Variants in SCOC observed in about 807,000 individuals in gnomAD.
SCOC encodes the protein short coiled-coil protein.
In SCOC, 7 loss-of-function variants were observed where a neutral mutation model predicts 9.9. The ratio of observed to expected loss-of-function variants is 0.71; its 90% confidence interval spans 0.40 to 1.33. SCOC has a LOEUF of 1.33. Ranked by LOEUF, SCOC falls within the 40% of genes most tolerant of loss-of-function variation. The pLI, the probability that SCOC is intolerant of heterozygous loss-of-function variation, is 0.01. For missense variants in SCOC, 66 were observed against 89.7 expected (o/e 0.74, Z 1.07); for synonymous variants, 19 against 28.2 (o/e 0.67, Z 1.03).
At chr4:140,263,366 G>C (rs1730671167) in intron 1 of SCOC, among the ~76,000 whole-genome samples, 1 of 152,194 alleles carries the variant, frequency 6.6e-6, no homozygotes, top group Non-Finnish European at 1.5e-5. Context: ...AGAATTTGCT[G>C]ATGTACAGCT....
upstream of SCOC, among the ~76,000 whole-genome samples, chr4:140,372,780 G>A (rs1036183742): frequency 2.6e-5 from 4 of 152,188 alleles, no homozygotes; most frequent in African/African-American, 9.7e-5. Flanking sequence ...AAATAATAAT[G>A]TATTGCTGTG....
intron 1 of SCOC, among the ~76,000 whole-genome samples, chr4:140,303,040 G>A (rs932859020): frequency 6.6e-6 from 1 of 152,178 alleles, no homozygotes; most frequent in African/African-American, 2.4e-5. Flanking sequence ...CTAACAAGGA[G>A]AGGCTGTGCC....
chr4:140,274,932 A>G (rs1399716147), intron 1 of SCOC, among the ~76,000 whole-genome samples: 1 of 152,154 alleles, frequency 6.6e-6, no homozygotes, highest in Non-Finnish European at 1.5e-5. Flanking sequence ...AAGGGTGTTA[A>G]TCTTTCTTGC....
intron 2 of SCOC, among the ~76,000 whole-genome samples, chr4:140,358,289 A>G (rs1727319628): frequency 6.6e-6 from 1 of 152,236 alleles, no homozygotes; most frequent in Non-Finnish European, 1.5e-5. Context: ...AGTTACGATC[A>G]TTGCTGCTAA....
intron 1 of SCOC, 98 bp downstream of exon 1, chr4:140,373,815 C>T: frequency 7.7e-7 from 1 of 1,306,470 alleles, no homozygotes; most frequent in Non-Finnish European, 1.1e-6. Context: ...GGGCTGGACG[C>T]GGCCCTGCGC....
chr4:140,296,451 C>T (rs1731639252), intron 1 of SCOC, among the ~76,000 whole-genome samples: 1 of 152,116 alleles, frequency 6.6e-6, no homozygotes, highest in African/African-American at 2.4e-5. Context: ...CCAGGGGCGC[C>T]GTGCATGATT....
chr4:140,327,382 A>T (rs910007951), intron 1 of SCOC, among the ~76,000 whole-genome samples: 6 of 152,144 alleles, frequency 3.9e-5, no homozygotes, highest in Non-Finnish European at 8.8e-5. Flanking sequence ...ATCTGTTTTG[A>T]ACTATATGGA....
intron 2 of SCOC, chr4:140,366,784 G>A (rs759224734): frequency 9.6e-6 from 13 of 1,351,960 alleles, no homozygotes; most frequent in Non-Finnish European, 1.4e-5. Flanking sequence ...ATCTACAGTT[G>A]CAACCAATTT....
At chr4:140,362,276 TAC>T (rs1491403919) in intron 2 of SCOC, among the ~76,000 whole-genome samples, 2 of 38,732 alleles carry the variant, frequency 5.2e-5, no homozygotes, top group African/African-American at 9.6e-5. Flanking sequence ...GGTGTGTCCT[TAC>T]TTCTTCTTCT....
At chr4:140,370,278 G>A (rs115886004), upstream of SCOC, among the ~76,000 whole-genome samples, 1 of 152,096 alleles carries the variant, frequency 6.6e-6, no homozygotes, top group Non-Finnish European at 1.5e-5. Flanking sequence ...ATGATACACA[G>A]TGGAGTCTAT....
upstream of SCOC, among the ~76,000 whole-genome samples, chr4:140,370,001 C>A (rs1027674274): frequency 1.3e-5 from 2 of 151,038 alleles, no homozygotes; most frequent in South Asian, 2.1e-4. Context: ...GCTTCAGCCT[C>A]CCAAGTCTGA....
intron 1 of SCOC, among the ~76,000 whole-genome samples, chr4:140,272,908 T>C (rs1436032375): frequency 2.0e-5 from 3 of 152,252 alleles, no homozygotes; most frequent in African/African-American, 4.8e-5. Flanking sequence ...CTAAGAAATG[T>C]TCTGATTATG....
chr4:140,332,837 A>C (rs1322103765), intron 1 of SCOC, among the ~76,000 whole-genome samples: 1 of 152,108 alleles, frequency 6.6e-6, no homozygotes, highest in East Asian at 1.9e-4. Context: ...TTACTGCAAT[A>C]GTCTTCTAAA....
At chr4:140,373,439 G>C, upstream of SCOC, 1 of 1,521,842 alleles carries the variant, frequency 6.6e-7, no homozygotes, top group Non-Finnish European at 8.8e-7. Flanking sequence ...CCCGCCCACA[G>C]CGACCTCAAT....
intron 1 of SCOC, among the ~76,000 whole-genome samples, chr4:140,292,021 G>T (rs544428519): frequency 4.9e-4 from 75 of 152,102 alleles, no homozygotes; most frequent in African/African-American, 1.8e-3. Flanking sequence ...GGTGAATGAT[G>T]ATGACTGTTT....
intron 1 of SCOC, among the ~76,000 whole-genome samples, chr4:140,315,839 C>T (rs1038722795): frequency 1.3e-5 from 2 of 152,050 alleles, no homozygotes; most frequent in Non-Finnish European, 2.9e-5. Context: ...TTTTTCCACC[C>T]AGGGGAGAGA....
At chr4:140,362,301 T>TCTTCTTCTTCTTCTTCTCTTC in intron 2 of SCOC, among the ~76,000 whole-genome samples, 1 of 29,408 alleles carries the variant, frequency 3.4e-5, no homozygotes. Flanking sequence ...TTCTTCTTCT[T>TCTTCTTCTTCTTCTTCTCTTC]TTTTTTTTTT....
At chr4:140,312,340 AT>A (rs1420200439) in intron 1 of SCOC, among the ~76,000 whole-genome samples, 2 of 152,214 alleles carry the variant, frequency 1.3e-5, no homozygotes, top group African/African-American at 4.8e-5. Flanking sequence ...GGAACTAAAA[AT>A]ACCCTTTGCA....
intron 1 of SCOC, among the ~76,000 whole-genome samples, chr4:140,257,661 G>A (rs544460863): frequency 2.0e-5 from 3 of 152,128 alleles, no homozygotes; most frequent in Non-Finnish European, 4.4e-5. Flanking sequence ...AGTCTTCTTT[G>A]GGGATAATAA....
Sources: allele counts gnomAD v4.1 joint callset (sites outside exome capture counted in the v4.1 genomes callset), GRCh38; gene constraint gnomAD v4.1.1; transcripts MANE v1.5; gene names NCBI Gene and HGNC (gene_info 2026-07-23, HGNC 2026-07-21).